MTREX: variants seen among roughly 807,000 people sequenced by gnomAD.
MTREX encodes Mtr4 exosome RNA helicase.
A neutral mutation model predicts 135.4 loss-of-function variants in MTREX; 76 were observed. The ratio of observed to expected loss-of-function variants is 0.56; its 90% CI spans 0.47 to 0.68. The LOEUF (loss-of-function observed/expected upper bound fraction) is 0.68, where lower values mean the gene tolerates loss of function less well. Among genes scored for constraint, MTREX ranks in the 30% least tolerant of loss-of-function variants. MTREX has a pLI of 0.00. For missense variants in MTREX, 920 were observed against 1,262.1 expected (o/e 0.73, Z 4.11); for synonymous variants, 404 against 401.6 (o/e 1.01, Z -0.07).
chr5:55,322,558 T>C, intron 2 of MTREX, 94 bp downstream of exon 2: 2 of 828,772 alleles, frequency 2.4e-6, no homozygotes, highest in Non-Finnish European at 3.7e-6. Context: ...CTTAGATATA[T>C]GCCCGTATTA....
At chr5:55,333,216 A>G (rs1749503913) in intron 5 of MTREX, among the ~76,000 whole-genome samples, 1 of 152,128 alleles carries the variant, frequency 6.6e-6, no homozygotes, top group Non-Finnish European at 1.5e-5. Flanking sequence ...TTGTCATCTC[A>G]GCAGTATCAG....
At chr5:55,351,364 C>G (rs574810821) in intron 13 of MTREX, among the ~76,000 whole-genome samples, 4 of 152,234 alleles carry the variant, frequency 2.6e-5, no homozygotes, top group Admixed American at 2.6e-4. Flanking sequence ...GAAACCCCAT[C>G]TCTGCTAAAA....
chr5:55,362,707 A>T (rs1750037583), intron 15 of MTREX, among the ~76,000 whole-genome samples: 1 of 152,168 alleles, frequency 6.6e-6, no homozygotes, highest in Non-Finnish European at 1.5e-5. Flanking sequence ...GATATGAGCT[A>T]TAAAAAAAAA....
intron 2 of MTREX, among the ~76,000 whole-genome samples, chr5:55,323,083 G>A (rs530569359): frequency 6.6e-6 from 1 of 150,878 alleles, no homozygotes; most frequent in South Asian, 2.1e-4. Flanking sequence ...TACAATTTCT[G>A]TGATTTTTTT....
intron 24 of MTREX, 55 bp from the exon 25 acceptor site, chr5:55,415,915 A>G (rs1750958926): frequency 1.6e-6 from 2 of 1,289,348 alleles, no homozygotes; most frequent in East Asian, 2.5e-5. Flanking sequence ...AACCTAAAGA[A>G]TAAAGTGATA....
chr5:55,341,109 A>G (rs1016797084), intron 6 of MTREX, among the ~76,000 whole-genome samples: 4 of 152,162 alleles, frequency 2.6e-5, no homozygotes, highest in Non-Finnish European at 4.4e-5. Context: ...AGCATTGCTC[A>G]CTTTTCATTT....
intron 19 of MTREX, among the ~76,000 whole-genome samples, chr5:55,392,316 G>C (rs931981508): frequency 6.6e-6 from 1 of 152,058 alleles, no homozygotes; most frequent in African/African-American, 2.4e-5. Flanking sequence ...GGCTGACGTG[G>C]GTAGATGACT....
chr5:55,315,400 G>C (rs1749182049), intron 1 of MTREX, among the ~76,000 whole-genome samples: 1 of 152,032 alleles, frequency 6.6e-6, no homozygotes, highest in Non-Finnish European at 1.5e-5. Context: ...TCAAATCCTT[G>C]TATGGTTTTA....
At chr5:55,325,538 C>G (rs533394574) in intron 3 of MTREX, among the ~76,000 whole-genome samples, 1 of 150,484 alleles carries the variant, frequency 6.6e-6, no homozygotes, top group East Asian at 1.9e-4. Context: ...TTAGTAGAGA[C>G]TGGGTTTCAC....
chr5:55,342,017 C>T (rs910680075), intron 7 of MTREX, among the ~76,000 whole-genome samples: 2 of 152,086 alleles, frequency 1.3e-5, no homozygotes, highest in Non-Finnish European at 2.9e-5. Flanking sequence ...CCTTGATCTC[C>T]ATCTCAGTCC....
intron 21 of MTREX, among the ~76,000 whole-genome samples, chr5:55,403,309 G>A (rs530936377): frequency 6.7e-4 from 102 of 152,078 alleles, no homozygotes; most frequent in African/African-American, 2.4e-3. Flanking sequence ...TGGAACCCAC[G>A]GATATGTAGG....
At chr5:55,409,594 C>A (rs1014689277) in intron 22 of MTREX, among the ~76,000 whole-genome samples, 2 of 152,102 alleles carry the variant, frequency 1.3e-5, no homozygotes, top group African/African-American at 2.4e-5. Context: ...AAGAAGATGA[C>A]CTTCCTCTCA....
At chr5:55,308,677 T>C (rs1374936774) in intron 1 of MTREX, among the ~76,000 whole-genome samples, 1 of 152,152 alleles carries the variant, frequency 6.6e-6, no homozygotes, top group Non-Finnish European at 1.5e-5. Flanking sequence ...TAACAGTGGT[T>C]AGCTAGCTAT....
At chr5:55,390,850 G>C (rs1750555048) in intron 19 of MTREX, among the ~76,000 whole-genome samples, 1 of 152,160 alleles carries the variant, frequency 6.6e-6, no homozygotes, top group East Asian at 1.9e-4. Context: ...AATATTTGCT[G>C]TTTTGGCAGG....
rs554216691 is a variant in MTREX, at chr5:55,402,566, C to G, written c.2481+2145C>G. On this transcript the variant is annotated intron_variant, in intron 21 of 26. Transcript: ENST00000230640. ...GCTAAATAAAGTTGTTATGGAGACT[C>G]TGCAATAACATGTAAGAAAGCTCAT... Among the ~76,000 whole-genome samples, 4 of 152,170 alleles carry G rather than the reference C, an allele frequency of 2.6e-5. No individual in the cohort carries two copies. In the East Asian group the frequency reaches 7.7e-4, roughly 29 times the overall value.
At chr5:55,381,214 T>C (rs1248200552) in intron 18 of MTREX, among the ~76,000 whole-genome samples, 2 of 151,914 alleles carry the variant, frequency 1.3e-5, no homozygotes, top group East Asian at 3.9e-4. Context: ...GTTTTACTGA[T>C]TTTTTTTCCC....
intron 20 of MTREX, among the ~76,000 whole-genome samples, chr5:55,399,068 C>T (rs191988982): frequency 6.6e-6 from 1 of 152,308 alleles, no homozygotes; most frequent in Admixed American, 6.5e-5. Flanking sequence ...TGGAACCTCA[C>T]ACCAGTGACT....
intron 18 of MTREX, among the ~76,000 whole-genome samples, chr5:55,385,225 G>T (rs925574767): frequency 1.3e-5 from 2 of 152,100 alleles, no homozygotes; most frequent in Non-Finnish European, 2.9e-5. Flanking sequence ...GGAGGGTTGG[G>T]GTGTAGCCTC....
intron 21 of MTREX, among the ~76,000 whole-genome samples, chr5:55,402,872 G>GTGTGTGTGTGTGTATA (rs70992784): frequency 2.9e-5 from 4 of 138,848 alleles, no homozygotes; most frequent in African/African-American, 5.4e-5. Flanking sequence ...GTGTGTGTGT[G>GTGTGTGTGTGTGTATA]TATATATATA....
Sources: allele counts gnomAD v4.1 joint callset (sites outside exome capture counted in the v4.1 genomes callset), GRCh38; gene constraint gnomAD v4.1.1; transcripts MANE v1.5; gene names NCBI Gene and HGNC (gene_info 2026-07-23, HGNC 2026-07-21).